Variants in MTMR14 observed in about 807,000 individuals in gnomAD.
MTMR14 encodes myotubularin related protein 14, also known as phosphatidylinositol-3,5-bisphosphate 3-phosphatase MTMR14.
Under a neutral mutation model 86.3 loss-of-function variants are expected in MTMR14, and 48 were observed. That is an observed-to-expected ratio of 0.56 (90% CI 0.44 to 0.71). The LOEUF (loss-of-function observed/expected upper bound fraction) is 0.71. Among genes scored for constraint, MTMR14 ranks in the 30% least tolerant of loss-of-function variants. The pLI is 0.00. For missense variants in MTMR14, 780 were observed against 834.6 expected (o/e 0.93, Z 0.81); for synonymous variants, 366 against 326.1 (o/e 1.12, Z -1.32).
chr3:9,697,884 G>GAC lies in MTMR14; in HGVS notation c.1769+19_1769+20insCA. ...AGTTGTCTGTAAGTGTCTTGCTTGA[G>GAC]AAGGCAGGATGCTCCCCTGCCCATG... On this transcript the variant is annotated intron_variant, in intron 18 of 18. Coordinates refer to ENST00000296003, the MANE Select transcript of MTMR14 (RefSeq NM_001077525.3). The GAC allele has an allele frequency of 6.2e-7, 1 of 1,613,930 alleles. No homozygotes were observed.
In MTMR14 at chr3:9,677,060, A is replaced by T. The variant is rs1281697805; in HGVS notation, c.752-257A>T. Among the ~76,000 whole-genome samples the T allele has an allele frequency of 6.6e-6, 1 of 152,214 alleles. No individual in the cohort carries two copies. The highest frequency in any genetic ancestry group is 1.5e-5 in the Non-Finnish European group (1 of 68,040). ...TGGTGACCAGTGAGCATAGATGGAG[A>T]AAGTTACAAAGAGGCTGAGAGCAGG... On this transcript the variant is annotated intron_variant, in intron 7 of 18. Coordinates refer to ENST00000296003, the MANE Select transcript of MTMR14 (RefSeq NM_001077525.3). This position sits in a 1 kb window ranked among gnomAD's most constrained non-coding sequence, Gnocchi z 4.2.
Position 9,669,299 on chromosome 3 carries a change from C to G in MTMR14, c.494-133C>G. The G allele has an allele frequency of 4.0e-6, 3 of 755,576 alleles. No homozygotes were observed. The East Asian group carries it at 7.9e-5, about 20-fold the overall frequency. The allele number at this position is 755,576 out of a possible 1,614,324, so 46.8% of individuals were successfully genotyped here. On this transcript the variant is annotated intron_variant, in intron 4 of 18. Transcript: ENST00000296003. ...AGACTACCAGGCATATGGGGGCATA[C>G]TGTGTCCTTAGGAGTAGAGCCATGT...
At chr3:9,651,991 C>G (rs1470838140) in intron 1 of MTMR14, among the ~76,000 whole-genome samples, 1 of 152,160 alleles carries the variant, frequency 6.6e-6, no homozygotes, top group Admixed American at 6.6e-5. Flanking sequence ...GCCACCATGC[C>G]CAGCTAATTT....
intron 2 of MTMR14, among the ~76,000 whole-genome samples, chr3:9,658,719 T>C (rs2047751234): frequency 6.6e-6 from 1 of 152,194 alleles, no homozygotes; most frequent in Admixed American, 6.5e-5. Context: ...AGTGAGATAA[T>C]GTGGGTGTAA....
intron 4 of MTMR14, 49 bp downstream of exon 4, chr3:9,668,843 G>T (rs764178995): frequency 5.6e-6 from 9 of 1,593,202 alleles, no homozygotes; most frequent in Non-Finnish European, 6.0e-6. Flanking sequence ...CCCAGTCATA[G>T]AGAATAGCTA....
At chr3:9,650,044 G>A (rs947101980) in intron 1 of MTMR14, among the ~76,000 whole-genome samples, 1 of 152,110 alleles carries the variant, frequency 6.6e-6, no homozygotes, top group African/African-American at 2.4e-5. Flanking sequence ...AGGACCTAAG[G>A]AAGGTCTATT....
chr3:9,650,024 A>T (rs1039815293), intron 1 of MTMR14, among the ~76,000 whole-genome samples: 1 of 152,114 alleles, frequency 6.6e-6, no homozygotes, highest in South Asian at 2.1e-4. Context: ...AGGTTCAAAG[A>T]TCAGAGAGGA....
chr3:9,681,972 G>A (rs925531280), intron 9 of MTMR14, among the ~76,000 whole-genome samples: 4 of 152,140 alleles, frequency 2.6e-5, no homozygotes, highest in African/African-American at 7.2e-5. Context: ...CTGGCATTCC[G>A]CAGCTCTCTT....
At chr3:9,676,133 A>C (rs1315556535) in intron 7 of MTMR14, among the ~76,000 whole-genome samples, 4 of 152,150 alleles carry the variant, frequency 2.6e-5, no homozygotes, top group African/African-American at 9.7e-5. Context: ...CTTTGTGGCT[A>C]CTTCCCCTGA....
rs1375378724 is a variant in MTMR14 at position 9,697,856 on chromosome 3, A to G, written c.1759A>G (p.Asn587Asp). 6.2e-7 allele frequency: 1 copy of G among 1,613,990 alleles called. No individual in the cohort carries two copies. Among genetic ancestry groups the G allele is most frequent in the Admixed American group, 1.7e-5 (1 of 60,022 alleles). ...TTTCAGCTTCCCGGATGAGCTCCCT[A>G]ACAGTTGTCTGTAAGTGTCTTGCTT... is the stretch of plus-strand genomic sequence containing the variant. Reference protein sequence around the residue: ...LPFSFPDELPNSCLLAALSDR... With the variant: ...LPFSFPDELPDSCLLAALSDR... Residue 587 changes from asparagine to aspartate, a missense_variant, in exon 18 of 19, where the codon AAC (asparagine) becomes GAC (aspartate). Transcript: ENST00000296003.
intron 7 of MTMR14, among the ~76,000 whole-genome samples, chr3:9,676,643 A>T (rs2075588215): frequency 6.6e-6 from 1 of 152,238 alleles, no homozygotes; most frequent in Non-Finnish European, 1.5e-5. Flanking sequence ...TTAAGTAAAA[A>T]GCTGAGATTT....
At chr3:9,653,580 C>G (rs770935896) in intron 1 of MTMR14, 41 bp from the exon 2 acceptor site, 4 of 1,613,482 alleles carry the variant, frequency 2.5e-6, no homozygotes, top group Non-Finnish European at 3.4e-6. Flanking sequence ...CCCTCAGAAC[C>G]CCAGAATTCT....
intron 13 of MTMR14, among the ~76,000 whole-genome samples, chr3:9,686,361 A>C (rs1171610991): frequency 1.3e-5 from 2 of 152,308 alleles, no homozygotes; most frequent in East Asian, 3.9e-4. Context: ...CCGACAAAGC[A>C]GACCAGATCT....
intron 13 of MTMR14, among the ~76,000 whole-genome samples, chr3:9,685,644 C>T (rs1409778755): frequency 6.6e-6 from 1 of 152,184 alleles, no homozygotes; most frequent in Non-Finnish European, 1.5e-5. Flanking sequence ...TCCCGTCACA[C>T]CCTTCAGCCA....
chr3:9,653,145 G>T (rs763109282), intron 1 of MTMR14, among the ~76,000 whole-genome samples: 2 of 152,136 alleles, frequency 1.3e-5, no homozygotes, highest in Non-Finnish European at 2.9e-5. Flanking sequence ...TGAGACAGGA[G>T]AATCGCTTGA....
chr3:9,699,149 G>A (rs1305662145), intron 18 of MTMR14, among the ~76,000 whole-genome samples: 2 of 148,732 alleles, frequency 1.3e-5, no homozygotes, highest in Admixed American at 1.3e-4. Context: ...TCCAGCCTGG[G>A]CAACAAGAGC....
chr3:9,650,041 A>G (rs2047186951), intron 1 of MTMR14, among the ~76,000 whole-genome samples: 1 of 152,118 alleles, frequency 6.6e-6, no homozygotes, highest in Admixed American at 6.5e-5. Flanking sequence ...AGGAGGACCT[A>G]AGGAAGGTCT....
chr3:9,675,545 A>G (rs2075539478), intron 7 of MTMR14: 1 of 456,966 alleles, frequency 2.2e-6, no homozygotes, highest in South Asian at 1.5e-5. Context: ...CTTTCAGCAC[A>G]CCAAAATAGA....
intron 7 of MTMR14, among the ~76,000 whole-genome samples, chr3:9,675,155 G>A (rs536808940): frequency 2.8e-4 from 42 of 152,204 alleles, no homozygotes; most frequent in Non-Finnish European, 4.7e-4. Context: ...CATCAAAAGA[G>A]ACCAAAATTT....
Sources: allele counts gnomAD v4.1 joint callset (sites outside exome capture counted in the v4.1 genomes callset), GRCh38; gene constraint gnomAD v4.1.1; non-coding constraint Gnocchi (gnomAD v3.1); transcripts MANE v1.5; gene names NCBI Gene and HGNC (gene_info 2026-07-23, HGNC 2026-07-21).